Variants in GLB1 observed in about 807,000 individuals in gnomAD.
GLB1 encodes the protein beta-galactosidase.
A neutral mutation model predicts 74.0 loss-of-function variants in GLB1; 56 were observed. The ratio of observed to expected loss-of-function variants is 0.76; its 90% CI spans 0.61 to 0.94. The LOEUF (loss-of-function observed/expected upper bound fraction) is 0.94, where lower values mean the gene tolerates loss of function less well. Among genes scored for constraint, GLB1 ranks in the 40% least tolerant of loss-of-function variants. The pLI, the probability that GLB1 is intolerant of heterozygous loss-of-function variation, is 0.00. For missense variants in GLB1, 787 were observed against 845.5 expected (o/e 0.93, Z 0.86); for synonymous variants, 323 against 323.6 (o/e 1.00, Z 0.02).
At chr3:33,052,366 G>A (rs1481116098) in intron 7 of GLB1, among the ~76,000 whole-genome samples, 2 of 152,224 alleles carry the variant, frequency 1.3e-5, no homozygotes, top group Non-Finnish European at 2.9e-5. Flanking sequence ...GGGCGCAGTG[G>A]CTCATGCCTG....
At chr3:33,094,292 G>T in intron 1 of GLB1, 1 of 1,504,236 alleles carries the variant, frequency 6.6e-7, no homozygotes, top group South Asian at 1.4e-5. Flanking sequence ...GAGGTTTCCA[G>T]GTCAACTCCG....
At chr3:33,059,751 C>T (rs1446708698) in intron 5 of GLB1, among the ~76,000 whole-genome samples, 1 of 152,114 alleles carries the variant, frequency 6.6e-6, no homozygotes, top group African/African-American at 2.4e-5. Flanking sequence ...GTGTTCACAC[C>T]ATAGTGATTC....
At chr3:32,969,133 A>C in the GLB1 span, among the ~76,000 whole-genome samples, 3 of 152,222 alleles carry the variant, frequency 2.0e-5, no homozygotes, top group Non-Finnish European at 4.4e-5. Flanking sequence ...TGATGGAAGC[A>C]GTTTCATACT....
At chr3:33,021,740 A>C in intron 11 of GLB1, 85 bp from the exon 12 acceptor site, 2 of 1,494,264 alleles carry the variant, frequency 1.3e-6, no homozygotes, top group Non-Finnish European at 1.8e-6. Flanking sequence ...TATCAAAGAC[A>C]TCAGTGGGTT....
At chr3:33,095,236 G>A (rs200152866) in intron 1 of GLB1, among the ~76,000 whole-genome samples, 2,974 of 138,156 alleles carry the variant, frequency 0.022, 54 homozygotes, top group African/African-American at 0.042. Context: ...AAAAAAAAAA[G>A]GAATATTCTC....
intron 6 of GLB1, among the ~76,000 whole-genome samples, chr3:33,055,460 C>CTTTT (rs55687940): frequency 2.9e-5 from 3 of 102,238 alleles, no homozygotes; most frequent in Non-Finnish European, 4.1e-5. Flanking sequence ...GTTTTCTTTT[C>CTTTT]TTTTTTTTTT....
At chr3:33,023,249 A>G (rs967990399) in intron 11 of GLB1, among the ~76,000 whole-genome samples, 1 of 152,214 alleles carries the variant, frequency 6.6e-6, no homozygotes, top group Admixed American at 6.5e-5. Flanking sequence ...TCTGAAACAA[A>G]CAAACCAAAG....
downstream of GLB1, among the ~76,000 whole-genome samples, chr3:32,993,388 C>T (rs1261997593): frequency 6.6e-6 from 1 of 152,068 alleles, no homozygotes; most frequent in Non-Finnish European, 1.5e-5. Flanking sequence ...CAGGGTCTGG[C>T]CCTGCCACCC....
chr3:33,034,029 A>G (rs909050789), intron 10 of GLB1: 1 of 546,876 alleles, frequency 1.8e-6, no homozygotes, highest in African/African-American at 1.9e-5. Context: ...CTCAGAAGTC[A>G]TGAGAGTCCT....
intron 5 of GLB1, among the ~76,000 whole-genome samples, chr3:33,061,190 C>A (rs1699428748): frequency 6.6e-6 from 1 of 152,116 alleles, no homozygotes; most frequent in Admixed American, 6.6e-5. Context: ...GCGGGTGGAT[C>A]ACTTGAGGTC....
At chr3:33,092,934 G>T (rs1278361597) in intron 1 of GLB1, 23 of 1,614,098 alleles carry the variant, frequency 1.4e-5, no homozygotes, top group Non-Finnish European at 1.9e-5. Flanking sequence ...ATACACGAAT[G>T]TAGCCTGGGC....
intron 1 of GLB1, chr3:33,092,733 T>A (rs1700817719): frequency 1.8e-5 from 27 of 1,498,770 alleles, no homozygotes; most frequent in Admixed American, 2.3e-5. Context: ...TAGGCAAGGA[T>A]GAGTGGGCAA....
At chr3:32,982,752 A>G in the GLB1 span, among the ~76,000 whole-genome samples, 3 of 152,192 alleles carry the variant, frequency 2.0e-5, no homozygotes, top group Non-Finnish European at 4.4e-5. Flanking sequence ...AGAACTTTCT[A>G]GAATCATCTT....
At chr3:32,984,446 G>C in the GLB1 span, among the ~76,000 whole-genome samples, 1 of 152,156 alleles carries the variant, frequency 6.6e-6, no homozygotes, top group African/African-American at 2.4e-5. Flanking sequence ...CTTCCAAACA[G>C]AGTTTTTAGT....
At chr3:33,087,530 T>C (rs890910484) in intron 1 of GLB1, among the ~76,000 whole-genome samples, 1 of 151,182 alleles carries the variant, frequency 6.6e-6, no homozygotes, top group Non-Finnish European at 1.5e-5. Flanking sequence ...AGATCATGCC[T>C]CTGCACTCCA....
At chr3:33,069,731 A>G (rs1699823866) in intron 2 of GLB1, among the ~76,000 whole-genome samples, 1 of 152,208 alleles carries the variant, frequency 6.6e-6, no homozygotes, top group Non-Finnish European at 1.5e-5. Context: ...TTCTTGACTG[A>G]CCGTAAACCT....
intron 1 of GLB1, among the ~76,000 whole-genome samples, chr3:33,080,444 G>A (rs1700284132): frequency 6.6e-6 from 1 of 152,188 alleles, no homozygotes; most frequent in Non-Finnish European, 1.5e-5. Flanking sequence ...TGCAAGCTCA[G>A]TATGCTTTGT....
chr3:33,024,137 C>T (rs550398852), intron 11 of GLB1, 114 bp downstream of exon 11: 2 of 1,253,472 alleles, frequency 1.6e-6, no homozygotes, highest in Admixed American at 4.3e-5. Context: ...AACAAATTCG[C>T]AGAAAAATAA....
At chr3:32,989,059 G>T in the GLB1 span, among the ~76,000 whole-genome samples, 1 of 152,184 alleles carries the variant, frequency 6.6e-6, no homozygotes, top group Non-Finnish European at 1.5e-5. Context: ...ACTCTTCAGA[G>T]AGTTTCTTGA....
Sources: gnomAD v4.1 joint callset for allele counts (sites outside exome capture counted in the v4.1 genomes callset) on GRCh38, gnomAD v4.1.1 for gene constraint, MANE v1.5 for transcripts, NCBI Gene and HGNC (gene_info 2026-07-23, HGNC 2026-07-21) for gene names.